LIMCH1: variants seen among roughly 807,000 people sequenced by gnomAD.
LIMCH1 encodes LIM and calponin homology domains-containing protein 1.
A neutral mutation model predicts 176.5 loss-of-function variants in LIMCH1; 113 were observed. The ratio of observed to expected loss-of-function variants is 0.64; its 90% CI spans 0.55 to 0.75. LIMCH1 has a LOEUF of 0.75. LIMCH1 is among the 30% of genes least tolerant of loss of function. The pLI is 0.00. For synonymous variants in LIMCH1, 619 were observed against 645.9 expected, an observed-to-expected ratio of 0.96 and a Z score of 0.63; for missense variants, 1,674 against 1,814.9, an observed-to-expected ratio of 0.92 and a Z score of 1.41.
At chr4:41,560,166 C>A (rs1296799721) in intron 1 of LIMCH1, among the ~76,000 whole-genome samples, 2 of 152,254 alleles carry the variant, frequency 1.3e-5, no homozygotes, top group East Asian at 1.9e-4. Flanking sequence ...TAGCCAGCAT[C>A]CTGGAAGTGT....
At chr4:41,384,858 A>G (rs2056275768) in intron 1 of LIMCH1, among the ~76,000 whole-genome samples, 1 of 152,136 alleles carries the variant, frequency 6.6e-6, no homozygotes, top group Admixed American at 6.5e-5. Flanking sequence ...GTTTCCCCTC[A>G]ACTTTGTATG....
At chr4:41,568,310 G>A (rs1465239043) in intron 1 of LIMCH1, among the ~76,000 whole-genome samples, 2 of 152,166 alleles carry the variant, frequency 1.3e-5, no homozygotes, top group Admixed American at 1.3e-4. Flanking sequence ...ACAATAAATT[G>A]TGTAATCTGA....
intron 1 of LIMCH1, among the ~76,000 whole-genome samples, chr4:41,406,091 C>CT (rs2058932618): frequency 1.3e-5 from 2 of 152,230 alleles, no homozygotes; most frequent in South Asian, 4.1e-4. Flanking sequence ...AATCAAGCCT[C>CT]TATCAATCAC....
intron 4 of LIMCH1, among the ~76,000 whole-genome samples, chr4:41,612,176 C>G (rs1010528461): frequency 6.6e-6 from 1 of 152,136 alleles, no homozygotes; most frequent in African/African-American, 2.4e-5. Flanking sequence ...TAAATTACAG[C>G]CACTCTGTCC....
chr4:41,541,748 G>A (rs992197335), intron 1 of LIMCH1, among the ~76,000 whole-genome samples: 5 of 152,222 alleles, frequency 3.3e-5, no homozygotes, highest in East Asian at 3.8e-4. Flanking sequence ...CAGAGCTTAC[G>A]AAATGACTGG....
intron 29 of LIMCH1, 80 bp downstream of exon 29, chr4:41,687,997 G>A: frequency 8.8e-7 from 1 of 1,131,742 alleles, no homozygotes; most frequent in Non-Finnish European, 1.3e-6. Flanking sequence ...CTGAATTAGT[G>A]CTTGCCAAAT....
At chr4:41,372,381 G>T (rs2054105909) in intron 1 of LIMCH1, among the ~76,000 whole-genome samples, 1 of 152,148 alleles carries the variant, frequency 6.6e-6, no homozygotes. Context: ...TTTTTAGTGT[G>T]AGATTTTGTA....
chr4:41,539,092 G>A (rs1002105605), intron 1 of LIMCH1, among the ~76,000 whole-genome samples: 1 of 152,172 alleles, frequency 6.6e-6, no homozygotes, highest in African/African-American at 2.4e-5. Context: ...TTATGAGGCT[G>A]GGTTGAAAAT....
intron 1 of LIMCH1, among the ~76,000 whole-genome samples, chr4:41,377,278 C>T (rs1250876575): frequency 2.6e-5 from 4 of 152,118 alleles, no homozygotes; most frequent in Admixed American, 1.3e-4. Flanking sequence ...CTGGGAGATG[C>T]TCTCTTTATG....
At chr4:41,507,494 C>G (rs1023356298) in intron 2 of LIMCH1, among the ~76,000 whole-genome samples, 2 of 152,120 alleles carry the variant, frequency 1.3e-5, no homozygotes, top group Non-Finnish European at 2.9e-5. Flanking sequence ...ATTAGGAGTT[C>G]TGCGTCAGCA....
chr4:41,541,484 G>A (rs1356608839), intron 1 of LIMCH1, among the ~76,000 whole-genome samples: 6 of 152,286 alleles, frequency 3.9e-5, no homozygotes, highest in Admixed American at 3.3e-4. Context: ...TTTTAATTTG[G>A]TGAATCCTTT....
intron 30 of LIMCH1, among the ~76,000 whole-genome samples, chr4:41,691,220 A>G (rs1316761521): frequency 1.3e-5 from 2 of 152,060 alleles, no homozygotes; most frequent in African/African-American, 4.8e-5. Context: ...TTATGACATA[A>G]TTTGGATTAA....
At position 41,646,247 on chromosome 4, in the gene LIMCH1, G is replaced by A. The variant is rs763754377; in HGVS notation, c.2378G>A (p.Ser793Asn). 9.3e-6 allele frequency: 15 copies of A among 1,612,554 alleles called. No individual in the cohort carries two copies. The highest frequency in any genetic ancestry group is 1.3e-5 in the Non-Finnish European group (15 of 1,179,762). ...GATGGGACAAGTGAACGAAGGAAAA[G>A]CATCAAAACCTACAGAGAAATTGTT... ...GEDGTSERRKSIKTYREIVQE... is the reference protein window; with the variant it reads ...GEDGTSERRKNIKTYREIVQE... Residue 793 changes from serine (S) to asparagine (N), a missense_variant, in exon 16 of 32, where the codon AGC becomes AAC. Around this residue, in one of 3 missense-constraint regions of LIMCH1, gnomAD observed 1,015 missense variants for 1,102.5 expected, o/e 0.92. Transcript: ENST00000503057.
At chr4:41,477,083 G>A (rs907179975) in intron 1 of LIMCH1, among the ~76,000 whole-genome samples, 5 of 152,188 alleles carry the variant, frequency 3.3e-5, no homozygotes, top group African/African-American at 1.2e-4. Context: ...ATGGCACACT[G>A]GCTAGGAGGG....
At chr4:41,551,705 A>G (rs2080455685) in intron 1 of LIMCH1, among the ~76,000 whole-genome samples, 1 of 152,192 alleles carries the variant, frequency 6.6e-6, no homozygotes, top group Non-Finnish European at 1.5e-5. Flanking sequence ...AATTAAGTGA[A>G]TTTCTAATTT....
In LIMCH1 at chr4:41,424,685, T is replaced by C. The variant is rs370645346; in HGVS notation, c.96+63749T>C. 4.6e-5 allele frequency among the ~76,000 whole-genome samples: 7 copies of C among 152,332 alleles called. No individual in the cohort carries two copies. In the South Asian group the frequency reaches 8.3e-4, roughly 18 times the overall value. On this transcript the variant is annotated intron_variant, in intron 1 of 26. Transcript: ENST00000313860. ...GTCAGGTTTTGTCACTAATTGAGTT[T>C]TCACCAAGCTTGCATACTTTTGGGT...
intron 21 of LIMCH1, among the ~76,000 whole-genome samples, chr4:41,669,834 G>A (rs1287830964): frequency 6.6e-6 from 1 of 152,178 alleles, no homozygotes; most frequent in Non-Finnish European, 1.5e-5. Context: ...CAAGCATCAA[G>A]TCCAATGAAA....
chr4:41,618,338 G>A (rs1235251998), intron 5 of LIMCH1, among the ~76,000 whole-genome samples: 1 of 152,148 alleles, frequency 6.6e-6, no homozygotes, highest in Non-Finnish European at 1.5e-5. Context: ...TGGGGCTTTT[G>A]TCCAACAAAT....
chr4:41,532,842 C>T (rs2077474128), intron 3 of LIMCH1, among the ~76,000 whole-genome samples: 1 of 152,144 alleles, frequency 6.6e-6, no homozygotes, highest in South Asian at 2.1e-4. Context: ...TAACAAATTA[C>T]CCCAGAACTT....
Sources: allele counts gnomAD v4.1 joint callset (sites outside exome capture counted in the v4.1 genomes callset), GRCh38; gene constraint gnomAD v4.1.1; regional missense constraint gnomAD v4.1.1; transcripts MANE v1.5; gene names NCBI Gene and HGNC (gene_info 2026-07-23, HGNC 2026-07-21).